Variants in ZNG1A observed in about 807,000 individuals in gnomAD.
ZNG1A encodes zinc-regulated GTPase metalloprotein activator 1A.
At chr9:133,965 C>A in the ZNG1A span, among the ~76,000 whole-genome samples, 1 of 118,408 alleles carries the variant, frequency 8.4e-6, no homozygotes, top group African/African-American at 3.2e-5. Flanking sequence ...GGAAAGTGAG[C>A]GCTGCGTTTG....
the ZNG1A span, among the ~76,000 whole-genome samples, chr9:141,828 A>C: frequency 7.9e-5 from 12 of 152,204 alleles, no homozygotes; most frequent in African/African-American, 1.7e-4. Flanking sequence ...ACAGGCTCAA[A>C]ATAAAGGGAT....
chr9:140,222 A>G, the ZNG1A span, among the ~76,000 whole-genome samples: 1 of 151,768 alleles, frequency 6.6e-6, no homozygotes, highest in African/African-American at 2.4e-5. Context: ...GCACAGACAC[A>G]CAAAAAGACA....
the ZNG1A span, chr9:121,319 T>C: frequency 6.2e-6 from 5 of 805,456 alleles, no homozygotes; most frequent in Non-Finnish European, 9.9e-6. Context: ...ACAGTACTGA[T>C]TTGCTACATT....
At chr9:139,026 T>C in the ZNG1A span, among the ~76,000 whole-genome samples, 1 of 149,506 alleles carries the variant, frequency 6.7e-6, no homozygotes, top group Non-Finnish European at 1.5e-5. Context: ...CCCAGAGACA[T>C]GTCCATTTTC....
chr9:169,880 T>TTTTTTTTTTTTA, the ZNG1A span, among the ~76,000 whole-genome samples: 1 of 71,376 alleles, frequency 1.4e-5, no homozygotes, highest in African/African-American at 4.8e-5. Context: ...TTTTTTTTTT[T>TTTTTTTTTTTTA]AAGAAATGGG....
the ZNG1A span, among the ~76,000 whole-genome samples, chr9:161,156 A>C: frequency 2.0e-5 from 3 of 152,212 alleles, no homozygotes; most frequent in African/African-American, 7.2e-5. Flanking sequence ...GATTTGGGGA[A>C]AAAAAGCAAA....
At chr9:163,588 C>A in the ZNG1A span, among the ~76,000 whole-genome samples, 10 of 151,250 alleles carry the variant, frequency 6.6e-5, no homozygotes, top group African/African-American at 2.2e-4. Flanking sequence ...TATGAATGAA[C>A]AACAACAATA....
the ZNG1A span, among the ~76,000 whole-genome samples, chr9:141,775 G>T: frequency 2.6e-5 from 4 of 152,180 alleles, no homozygotes; most frequent in African/African-American, 9.6e-5. Context: ...AGACCCATCA[G>T]TGTGCTGTAT....
At chr9:162,583 C>T in the ZNG1A span, 1 of 919,230 alleles carries the variant, frequency 1.1e-6, no homozygotes, top group Admixed American at 2.9e-5. Flanking sequence ...ACAAATACTA[C>T]TCAATAAAAC....
At chr9:176,858 T>G in the ZNG1A span, among the ~76,000 whole-genome samples, 1 of 152,038 alleles carries the variant, frequency 6.6e-6, no homozygotes, top group Non-Finnish European at 1.5e-5. Flanking sequence ...AAAAACACTT[T>G]AAGACATAGC....
the ZNG1A span, among the ~76,000 whole-genome samples, chr9:158,701 A>T: frequency 6.7e-6 from 1 of 149,086 alleles, no homozygotes; most frequent in Non-Finnish European, 1.5e-5. Context: ...AAAGTATCAA[A>T]TATAAAAATA....
chr9:155,198 T>C, the ZNG1A span, among the ~76,000 whole-genome samples: 1 of 151,174 alleles, frequency 6.6e-6, no homozygotes, highest in South Asian at 2.1e-4. Context: ...GAAGAAGAGT[T>C]TACCTACTAA....
chr9:142,940 C>G, the ZNG1A span, among the ~76,000 whole-genome samples: 2 of 132,272 alleles, frequency 1.5e-5, no homozygotes, highest in Non-Finnish European at 3.1e-5. Context: ...ACTAGAAAAT[C>G]TAGAAGAAAT....
the ZNG1A span, among the ~76,000 whole-genome samples, chr9:139,606 C>T: frequency 2.0e-5 from 3 of 152,222 alleles, no homozygotes; most frequent in Admixed American, 1.3e-4. Context: ...AGATTCCCCA[C>T]AGGAGAAGGC....
chr9:156,891 G>A, the ZNG1A span, among the ~76,000 whole-genome samples: 1 of 151,904 alleles, frequency 6.6e-6, no homozygotes, highest in Non-Finnish European at 1.5e-5. Flanking sequence ...AACTGTTCTG[G>A]TTCTAAATAT....
chr9:176,614 G>T, the ZNG1A span, among the ~76,000 whole-genome samples: 1 of 151,896 alleles, frequency 6.6e-6, no homozygotes, highest in Admixed American at 6.6e-5. Context: ...ACAGATGAAG[G>T]CTTATATTTA....
chr9:171,845 C>A, the ZNG1A span: 3 of 554,088 alleles, frequency 5.4e-6, no homozygotes, highest in South Asian at 6.4e-5. Context: ...AATCCTAAGT[C>A]AATCAATAAA....
chr9:169,332 C>A, the ZNG1A span, among the ~76,000 whole-genome samples: 1 of 146,950 alleles, frequency 6.8e-6, no homozygotes, highest in Non-Finnish European at 1.5e-5. Flanking sequence ...TCAATTCCTG[C>A]AATCTCATAA....
chr9:155,526 T>C, the ZNG1A span, among the ~76,000 whole-genome samples: 1 of 152,170 alleles, frequency 6.6e-6, no homozygotes, highest in East Asian at 1.9e-4. Flanking sequence ...AGAATCCAGT[T>C]GACTGAATGC....
Sources: allele counts gnomAD v4.1 joint callset (sites outside exome capture counted in the v4.1 genomes callset), GRCh38; gene constraint gnomAD v4.1.1; transcripts MANE v1.5; gene names NCBI Gene and HGNC (gene_info 2026-07-23, HGNC 2026-07-21).